Variants in COL14A1 observed in about 807,000 individuals in gnomAD.
The protein encoded by COL14A1 is collagen alpha-1(XIV) chain.
COL14A1 carries 136 observed loss-of-function variants against 230.3 expected under a neutral mutation model. That is an observed-to-expected ratio of 0.59 (90% confidence interval 0.51 to 0.68). COL14A1 has a LOEUF of 0.68. Among genes scored for constraint, COL14A1 ranks in the 30% least tolerant of loss-of-function variants. The pLI is 0.00. For missense variants in COL14A1, 1,976 were observed against 2,215.8 expected (o/e 0.89, Z 2.17); for synonymous variants, 792 against 784.1 (o/e 1.01, Z -0.17).
chr8:120,299,857 G>T (rs1820657215), intron 35 of COL14A1, among the ~76,000 whole-genome samples: 1 of 152,080 alleles, frequency 6.6e-6, no homozygotes, highest in Admixed American at 6.6e-5. Context: ...CAATTTAACT[G>T]TCATCTGTGC....
chr8:120,234,641 C>A (rs542979084), intron 19 of COL14A1, among the ~76,000 whole-genome samples: 1 of 151,982 alleles, frequency 6.6e-6, no homozygotes, highest in Admixed American at 6.5e-5. Flanking sequence ...GTTGAACCAG[C>A]CTTGCATCCC....
In COL14A1 at chr8:120,250,740, A is replaced by T. The variant is rs746932429; in HGVS notation, c.2726A>T (p.Asp909Val). The T allele has an allele frequency of 1.9e-6, 3 of 1,614,180 alleles. No homozygotes were observed. Among genetic ancestry groups the T allele is most frequent in the African/African-American group, 1.3e-5 (1 of 75,034 alleles). ...IFASQASGFS[D>V]ALTGMVKTLF... The stretch of plus-strand genomic sequence containing the variant: ...GCCTCCCAGGCCTCAGGCTTCAGCG[A>T]CGCCCTGACAGGCATGGTGAAAACA... Residue 909 changes from aspartate (D) to valine (V), a missense_variant, in exon 22 of 48, where the codon GAC (aspartate) becomes GTC (valine). Asp to Val is a radical substitution (Grantham distance 152, BLOSUM62 -3). Transcript: ENST00000297848.
chr8:120,255,175 T>C, intron 22 of COL14A1, 65 bp from the exon 23 acceptor site: 2 of 1,326,486 alleles, frequency 1.5e-6, no homozygotes, highest in Admixed American at 1.7e-5. Flanking sequence ...GAAGTTAATT[T>C]CAGATTCAGG....
intron 12 of COL14A1, among the ~76,000 whole-genome samples, chr8:120,211,570 T>C (rs1817616268): frequency 6.6e-6 from 1 of 152,192 alleles, no homozygotes; most frequent in Non-Finnish European, 1.5e-5. Flanking sequence ...TTTATCTGAA[T>C]ATATTAGTTT....
chr8:120,348,761 T>A (rs1483336466), intron 45 of COL14A1, among the ~76,000 whole-genome samples: 1 of 152,240 alleles, frequency 6.6e-6, no homozygotes. Flanking sequence ...TTTTCTATTC[T>A]AGTTTTTCAA....
intron 40 of COL14A1, among the ~76,000 whole-genome samples, chr8:120,329,503 A>G: frequency 6.6e-6 from 1 of 152,124 alleles, no homozygotes; most frequent in Non-Finnish European, 1.5e-5. Context: ...GCCATGTGGG[A>G]GGCTGAGGTG....
intron 1 of COL14A1, among the ~76,000 whole-genome samples, chr8:120,128,229 G>A (rs1586700857): frequency 5.4e-5 from 1 of 18,414 alleles, no homozygotes; most frequent in South Asian, 1.8e-3. Context: ...GTGCGCGCGC[G>A]TGTGTGTGTG....
chr8:120,256,961 G>A (rs1277590810), intron 23 of COL14A1, among the ~76,000 whole-genome samples: 1 of 152,150 alleles, frequency 6.6e-6, no homozygotes, highest in Non-Finnish European at 1.5e-5. Flanking sequence ...TTGACACAAC[G>A]ATGTATAAAA....
At chr8:120,169,223 C>T (rs1001561190) in intron 5 of COL14A1, among the ~76,000 whole-genome samples, 5 of 152,072 alleles carry the variant, frequency 3.3e-5, no homozygotes, top group Non-Finnish European at 5.9e-5. Context: ...GCTGTAACAA[C>T]GTATTTCTAA....
chr8:120,341,398 G>GT (rs779122110), intron 43 of COL14A1, 38 bp downstream of exon 43: 2 of 1,609,442 alleles, frequency 1.2e-6, no homozygotes, highest in Non-Finnish European at 1.7e-6. Context: ...GCCCCAGCTT[G>GT]TTGCACCCCT....
chr8:120,326,858 T>A (rs1009122833), intron 40 of COL14A1, among the ~76,000 whole-genome samples: 1 of 152,058 alleles, frequency 6.6e-6, no homozygotes, highest in Admixed American at 6.5e-5. Context: ...AAATCCTGTC[T>A]CTACAAAAAA....
In COL14A1 at chr8:120,225,110, C is replaced by T; in HGVS notation, c.1760C>T (p.Thr587Ile). 6.2e-7 allele frequency: 1 copy of T among 1,611,990 alleles called. No homozygotes were observed. Among genetic ancestry groups the T allele is most frequent in the Non-Finnish European group, 8.5e-7 (1 of 1,179,390 alleles). ...INEVEVDPIT[T>I]FPLKGLTPLT... is the part of the protein sequence containing the mutation. ...CAGGTTGAAGTCGATCCTATTACTA[C>T]CTTCCCTCTGAAGGGCTTGACACCT... The change falls in exon 15 of 48, where the codon ACC (threonine) becomes ATC (isoleucine). Residue 587 changes from threonine to isoleucine, a missense_variant. Around this residue, in one of 3 missense-constraint regions of COL14A1, gnomAD observed 1,791 missense variants for 2,019.5 expected, o/e 0.89. Coordinates refer to ENST00000297848, the MANE Select transcript of COL14A1 (RefSeq NM_021110.4).
At chr8:120,336,351 G>A (rs1178195484) in intron 42 of COL14A1, among the ~76,000 whole-genome samples, 1 of 152,166 alleles carries the variant, frequency 6.6e-6, no homozygotes, top group Non-Finnish European at 1.5e-5. Flanking sequence ...AAGACAGAAA[G>A]ATTGCATCAC....
chr8:120,326,368 G>A (rs1230937720), intron 40 of COL14A1, among the ~76,000 whole-genome samples: 2 of 152,182 alleles, frequency 1.3e-5, no homozygotes, highest in Non-Finnish European at 2.9e-5. Context: ...CCTCAAAACT[G>A]TAAACTCTTA....
chr8:120,244,939 T>C (rs1461462624), intron 20 of COL14A1, among the ~76,000 whole-genome samples: 1 of 152,148 alleles, frequency 6.6e-6, no homozygotes, highest in African/African-American at 2.4e-5. Flanking sequence ...AAGATCAACC[T>C]ACCACCTGGA....
At chr8:120,284,094 G>A (rs1820121606) in intron 32 of COL14A1, among the ~76,000 whole-genome samples, 1 of 152,198 alleles carries the variant, frequency 6.6e-6, no homozygotes. Flanking sequence ...GTCAATGGGA[G>A]GGGTGGGACC....
chr8:120,284,328 A>G (rs184769930), intron 32 of COL14A1, among the ~76,000 whole-genome samples: 9 of 152,302 alleles, frequency 5.9e-5, no homozygotes, highest in East Asian at 3.9e-4. Flanking sequence ...GGAAATGCCA[A>G]TGTTTGGAGG....
chr8:120,124,805 C>T (rs1177024301), upstream of COL14A1, among the ~76,000 whole-genome samples: 1 of 152,140 alleles, frequency 6.6e-6, no homozygotes, highest in Admixed American at 6.5e-5. Flanking sequence ...GAGCAGGGGG[C>T]CTGGTTTGGG....
chr8:120,250,514 C>G, intron 21 of COL14A1, 103 bp from the exon 22 acceptor site: 1 of 1,256,714 alleles, frequency 8.0e-7, no homozygotes, highest in African/African-American at 1.5e-5. Flanking sequence ...GCTGTATAAT[C>G]CCAGGCAACT....
Sources: gnomAD v4.1 joint callset for allele counts (sites outside exome capture counted in the v4.1 genomes callset) on GRCh38, gnomAD v4.1.1 for gene constraint, gnomAD v4.1.1 regional missense constraint, MANE v1.5 for transcripts, NCBI Gene and HGNC (gene_info 2026-07-23, HGNC 2026-07-21) for gene names.